ITPR1: variants seen among roughly 807,000 people sequenced by gnomAD.
The protein encoded by ITPR1 is inositol 1,4,5-trisphosphate-gated calcium channel ITPR1.
A neutral mutation model predicts 318.4 loss-of-function variants in ITPR1; 96 were observed. The ratio of observed to expected loss-of-function variants is 0.30; its 90% CI spans 0.26 to 0.36. ITPR1 has a LOEUF of 0.36. Ranked by LOEUF, ITPR1 falls within the 10% of genes least tolerant of loss-of-function variation. The pLI is 1.00. For synonymous variants in ITPR1, 1,312 were observed against 1,289.9 expected (o/e 1.02, Z -0.37); for missense variants, 2,440 against 3,460.2 (o/e 0.71, Z 7.40).
intron 4 of ITPR1, among the ~76,000 whole-genome samples, chr3:4,620,423 T>G (rs961276530): frequency 1.3e-5 from 2 of 152,170 alleles, no homozygotes; most frequent in Non-Finnish European, 2.9e-5. Flanking sequence ...CATCCAATCC[T>G]CCGTTACTGG....
intron 4 of ITPR1, among the ~76,000 whole-genome samples, chr3:4,611,997 C>G (rs2092150341): frequency 6.6e-6 from 1 of 151,712 alleles, no homozygotes; most frequent in Non-Finnish European, 1.5e-5. Context: ...ACCACCTCCC[C>G]CAAATAGTAA....
At chr3:4,593,480 T>C (rs2090551555) in intron 4 of ITPR1, among the ~76,000 whole-genome samples, 1 of 152,208 alleles carries the variant, frequency 6.6e-6, no homozygotes, top group Admixed American at 6.5e-5. Flanking sequence ...CTGGGTTGCA[T>C]TTTATAGTTT....
chr3:4,502,563 C>T (rs1447336624), intron 2 of ITPR1, among the ~76,000 whole-genome samples: 1 of 151,912 alleles, frequency 6.6e-6, no homozygotes, highest in East Asian at 2.0e-4. Context: ...GCCTCAGCCT[C>T]CTGAGTAGCT....
intron 50 of ITPR1, among the ~76,000 whole-genome samples, 174 bp from the exon 51 acceptor site, chr3:4,783,642 A>T (rs2046978602): frequency 6.6e-6 from 1 of 152,268 alleles, no homozygotes; most frequent in African/African-American, 2.4e-5. Flanking sequence ...AGCTCCCAAA[A>T]TAGCGCCTGT....
intron 60 of ITPR1, among the ~76,000 whole-genome samples, chr3:4,831,874 G>A (rs2050541210): frequency 6.6e-6 from 1 of 152,190 alleles, no homozygotes; most frequent in Admixed American, 6.5e-5. Flanking sequence ...CCAGTAACTG[G>A]GTTATAGTCT....
At chr3:4,611,591 A>AATAAATAAATAAATAC (rs1379548839) in intron 4 of ITPR1, among the ~76,000 whole-genome samples, 15 of 151,562 alleles carry the variant, frequency 9.9e-5, no homozygotes, top group African/African-American at 3.4e-4. Context: ...TAAATAAATA[A>AATAAATAAATAAATAC]ATAAATTAGC....
At chr3:4,549,591 C>T (rs1196359310) in intron 4 of ITPR1, among the ~76,000 whole-genome samples, 1 of 149,212 alleles carries the variant, frequency 6.7e-6, no homozygotes. Flanking sequence ...ATTTTGGTAT[C>T]TCTGACCAGA....
Position 4,683,431 on chromosome 3 carries a change from C to A in ITPR1, c.3207C>A (p.Thr1069=), listed in dbSNP as rs186541002. 1.7e-5 allele frequency: 28 copies of A among 1,613,934 alleles called. No homozygotes were observed. Among genetic ancestry groups the A allele is most frequent in the Non-Finnish European group, 2.2e-5 (26 of 1,179,906 alleles). ...PLDLDDHGGR[T]FLRVLLHLTM... is the part of the protein sequence containing the mutation. ...ACTTGGATGACCACGGCGGCAGAAC[C>A]TTTCTCCGTGTCCTGCTCCACTTGA... The change falls in exon 27 of 62, where the codon ACC becomes ACA. Residue 1069 remains threonine (T), a synonymous_variant. Transcript: ENST00000649015.
At chr3:4,640,888 G>A (rs919720466) in intron 6 of ITPR1, among the ~76,000 whole-genome samples, 2 of 152,184 alleles carry the variant, frequency 1.3e-5, no homozygotes, top group African/African-American at 4.8e-5. Context: ...CTAGACAGAT[G>A]TGTGCAGGAC....
chr3:4,680,372 C>T (rs1473088758), intron 24 of ITPR1, among the ~76,000 whole-genome samples, 181 bp from the exon 25 acceptor site: 1 of 152,064 alleles, frequency 6.6e-6, no homozygotes, highest in Non-Finnish European at 1.5e-5. Context: ...CTTCATATGC[C>T]CCATGGAAGT....
chr3:4,831,861 A>G (rs892434744), intron 60 of ITPR1, among the ~76,000 whole-genome samples: 1 of 152,204 alleles, frequency 6.6e-6, no homozygotes, highest in Non-Finnish European at 1.5e-5. Flanking sequence ...CTCTGTGCCT[A>G]TTCCAGTAAC....
chr3:4,779,592 C>T lies in ITPR1; in HGVS notation c.6334C>T (p.His2112Tyr). The T allele has an allele frequency of 6.2e-7, 1 of 1,612,674 alleles. No homozygotes were observed. Among genetic ancestry groups the T allele is most frequent in the Non-Finnish European group, 8.5e-7 (1 of 1,179,010 alleles). ...KLLLAIMESRHDSENAERILY... is the reference protein window; with the variant it reads ...KLLLAIMESRYDSENAERILY... ...GCTCCTGGCCATCATGGAAAGCAGG[C>T]ACGACAGTGAAAACGCAGAGAGGAT... Residue 2112 changes from histidine to tyrosine, a missense_variant, in exon 49 of 62, where the codon CAC (histidine) becomes TAC (tyrosine). Physicochemically the swap from His to Tyr is moderately conservative, Grantham distance 83. This residue lies in a region of ITPR1 where 49 missense variants were observed against 47.2 expected (regional missense o/e 1.04). Coordinates refer to ENST00000649015, the MANE Select transcript of ITPR1 (RefSeq NM_001378452.1). This position sits in a 1 kb window ranked among gnomAD's most constrained non-coding sequence, Gnocchi z 4.0.
intron 5 of ITPR1, among the ~76,000 whole-genome samples, chr3:4,629,246 C>A (rs904868182): frequency 2.0e-5 from 3 of 152,082 alleles, no homozygotes; most frequent in Admixed American, 1.3e-4. Context: ...CTCAGACTCT[C>A]AACTGTCACA....
At chr3:4,549,980 T>A (rs1347893861) in intron 4 of ITPR1, among the ~76,000 whole-genome samples, 1 of 152,178 alleles carries the variant, frequency 6.6e-6, no homozygotes, top group African/African-American at 2.4e-5. Flanking sequence ...AAACAAGATT[T>A]TCTTCTTGAG....
intron 25 of ITPR1, among the ~76,000 whole-genome samples, chr3:4,681,026 C>G (rs991355892): frequency 2.0e-5 from 3 of 152,232 alleles, no homozygotes; most frequent in South Asian, 4.2e-4. Context: ...CCACTAGCAG[C>G]TTTTACTCAC....
At position 4,665,149 on chromosome 3, in the gene ITPR1, G is replaced by C; in HGVS notation, c.1566G>C (p.Leu522Phe). Residue 522 changes from leucine (L) to phenylalanine (F), a missense_variant, in exon 17 of 62, where the codon TTG (leucine) becomes TTC (phenylalanine). Around this residue, in one of 23 missense-constraint regions of ITPR1, gnomAD observed 478 missense variants for 696.3 expected, o/e 0.69. Transcript: ENST00000649015. The stretch of plus-strand genomic sequence containing the variant: ...ATTTTCACAAACAGATCTTCAAGTT[G>C]TTACAAGCCCCATTCACAGACTGCG... ...EQNILKQIFK[L>F]LQAPFTDCGD... The C allele has an allele frequency of 1.2e-6, 2 of 1,614,018 alleles. No individual in the cohort carries two copies. Among genetic ancestry groups the C allele is most frequent in the Non-Finnish European group, 1.7e-6 (2 of 1,179,880 alleles).
Position 4,733,071 on chromosome 3 carries a change from A to T in ITPR1, c.5221-17A>T, listed in dbSNP as rs1263415577. On this transcript the variant is annotated splice_polypyrimidine_tract_variant and intron_variant, in intron 42 of 61. Coordinates refer to ENST00000649015, the MANE Select transcript of ITPR1 (RefSeq NM_001378452.1). The stretch of plus-strand genomic sequence containing the variant: ...ATTAAATGCAGAAGCTGATTTTATT[A>T]TCCTGTTTGAATTAAGGGTGAGGCG... 6.2e-7 allele frequency: 1 copy of T among 1,608,926 alleles called. No homozygotes were observed. The highest frequency in any genetic ancestry group is 8.5e-7 in the Non-Finnish European group (1 of 1,177,426).
intron 60 of ITPR1, among the ~76,000 whole-genome samples, chr3:4,829,824 A>G (rs1427546768): frequency 6.6e-6 from 1 of 151,952 alleles, no homozygotes; most frequent in Non-Finnish European, 1.5e-5. Flanking sequence ...TTTCTGCTCT[A>G]AAAATCCTCT....
At chr3:4,750,568 G>A (rs1161551531) in intron 44 of ITPR1, 4 of 152,156 alleles carry the variant, frequency 2.6e-5, no homozygotes, top group African/African-American at 9.7e-5. Flanking sequence ...ACCTTCCTGA[G>A]CTGGTAGGAA....
Sources: gnomAD v4.1 joint callset for allele counts (sites outside exome capture counted in the v4.1 genomes callset) on GRCh38, gnomAD v4.1.1 for gene constraint, gnomAD v4.1.1 regional missense constraint, Gnocchi (gnomAD v3.1) non-coding constraint, MANE v1.5 for transcripts, NCBI Gene and HGNC (gene_info 2026-07-23, HGNC 2026-07-21) for gene names.